CA5A: variants seen among roughly 807,000 people sequenced by gnomAD.
CA5A encodes carbonic anhydrase 5A, also known as carbonic anhydrase 5A, mitochondrial.
A neutral mutation model predicts 37.1 loss-of-function variants in CA5A; 28 were observed. That is an observed-to-expected ratio of 0.75 (90% CI 0.56 to 1.03). The LOEUF is 1.03. Among genes scored for constraint, CA5A ranks in the 50% least tolerant of loss-of-function variants. The pLI, the probability that CA5A is intolerant of heterozygous loss-of-function variation, is 0.00. For synonymous variants in CA5A, 171 were observed against 158.4 expected, an observed-to-expected ratio of 1.08 and a Z score of -0.60; for missense variants, 444 against 399.9, an observed-to-expected ratio of 1.11 and a Z score of -0.94.
At chr16:87,899,851 C>T (rs1252409787) in intron 5 of CA5A, among the ~76,000 whole-genome samples, 7 of 127,942 alleles carry the variant, frequency 5.5e-5, no homozygotes, top group East Asian at 2.7e-4. Flanking sequence ...ACCTGGAAGG[C>T]GGAGGTTGCA....
At chr16:87,884,920 T>C (rs1338740304), downstream of CA5A, 1 of 152,326 alleles carries the variant, frequency 6.6e-6, no homozygotes, top group African/African-American at 2.4e-5. Context: ...TCTCAGCAGT[T>C]TGGGAGGACG....
At chr16:87,925,672 C>T (rs1393419011) in intron 2 of CA5A, 2 of 152,218 alleles carry the variant, frequency 1.3e-5, no homozygotes. Flanking sequence ...CCTTCCCATA[C>T]CTCAGAGCAT....
chr16:87,924,269 T>C (rs2056271210), intron 2 of CA5A: 1 of 985,150 alleles, frequency 1.0e-6, no homozygotes, highest in South Asian at 4.7e-5. Flanking sequence ...TCCGCGGGGG[T>C]TGCAGTGGAG....
chr16:87,932,709 C>T (rs1196233157), intron 1 of CA5A, among the ~76,000 whole-genome samples: 2 of 151,922 alleles, frequency 1.3e-5, no homozygotes, highest in African/African-American at 4.8e-5. Context: ...AGTCCCCTGC[C>T]CCAGGAGGCC....
At chr16:87,930,081 T>C (rs1000066563) in intron 1 of CA5A, among the ~76,000 whole-genome samples, 1 of 152,134 alleles carries the variant, frequency 6.6e-6, no homozygotes, top group Non-Finnish European at 1.5e-5. Context: ...ATTTTCTCTC[T>C]TGGTTTTTCT....
chr16:87,936,303 A>T lies in CA5A; in HGVS notation c.142+6T>A. 6.2e-7 allele frequency: 1 copy of T among 1,607,708 alleles called. No homozygotes were observed. Among genetic ancestry groups the T allele is most frequent in the Non-Finnish European group, 8.5e-7 (1 of 1,174,520 alleles). ...CGCATCTTAGGAAATTTGAGGCTCT[A>T]CTTACAAGTGTTATTGCTGGTTTGC... On this transcript the variant is annotated splice_donor_region_variant and intron_variant, in intron 1 of 6. Coordinates refer to ENST00000649794, the MANE Select transcript of CA5A (RefSeq NM_001739.2).
rs142182110 is a variant in CA5A, at chr16:87,902,466, C to T, written c.514G>A (p.Val172Met). Reference protein sequence around the residue: ...VKYQNYKEAVVGENGLAVIGV... With the variant: ...VKYQNYKEAVMGENGLAVIGV... Reference sequence around the variant, plus strand: ...ATCACAGCCAAACCATTCTCTCCCACGACAGCTTCCTTGTAATTTTGGTAT... The same window carrying T: ...ATCACAGCCAAACCATTCTCTCCCATGACAGCTTCCTTGTAATTTTGGTAT... The change falls in exon 4 of 7, where the codon GTG becomes ATG. Residue 172 changes from valine (V) to methionine (M), a missense_variant. Physicochemically the swap from Val to Met is conservative, Grantham distance 21 (BLOSUM62 1). Transcript: ENST00000649794. 19 of 1,612,470 alleles carry T rather than the reference C, an allele frequency of 1.2e-5. No homozygotes were observed. The highest frequency in any genetic ancestry group is 4.0e-5 in the African/African-American group (3 of 74,898).
At chr16:87,884,200 G>A (rs1442373138), downstream of CA5A, 10 of 142,630 alleles carry the variant, frequency 7.0e-5, no homozygotes, top group Non-Finnish European at 1.4e-4. Flanking sequence ...CAGATCACCT[G>A]AGGTCAGGAG....
intron 6 of CA5A, among the ~76,000 whole-genome samples, chr16:87,889,511 C>A (rs1468444750): frequency 6.6e-6 from 1 of 152,048 alleles, no homozygotes; most frequent in South Asian, 2.1e-4. Context: ...TGGTGCCTCA[C>A]GCCTGTAATC....
At position 87,891,790 on chromosome 16, in the gene CA5A, A is replaced by G; in HGVS notation, c.774+9T>C. ...AAGCGCCATCGTGCCAGTTACGGGC[A>G]CGGCTCACCTGGCTTGGGGCCACTT... On this transcript the variant is annotated intron_variant, in intron 6 of 6. Transcript: ENST00000649794. The G allele has an allele frequency of 6.7e-7, 1 of 1,495,404 alleles. No homozygotes were observed. Among genetic ancestry groups the G allele is most frequent in the Non-Finnish European group, 8.9e-7 (1 of 1,126,210 alleles). 92.6% of individuals were successfully genotyped at this position (1,495,404 alleles called of 1,614,324 possible). A position where few individuals can be genotyped will look rare whatever the true frequency, so the allele number is the denominator to read the frequency against.
At position 87,926,883 on chromosome 16, in the gene CA5A, T is replaced by A. The variant is rs2056320267; in HGVS notation, c.205A>T (p.Ile69Phe). The A allele has an allele frequency of 1.2e-6, 2 of 1,611,558 alleles. No homozygotes were observed. Among genetic ancestry groups the A allele is most frequent in the South Asian group, 2.2e-5 (2 of 90,668 alleles). ...TCATAGACGCTGTCCCTCCACTGGA[T>A]GTTAATAGGAGACTGCCGGGTGCCC... ...PGGTRQSPIN[I>F]QWRDSVYDPQ... The change falls in exon 2 of 7, where the codon ATC (isoleucine) becomes TTC (phenylalanine). Residue 69 changes from isoleucine (I) to phenylalanine (F), a missense_variant. Physicochemically the swap from Ile to Phe is conservative, Grantham distance 21. Transcript: ENST00000649794.
At chr16:87,915,998 A>G (rs2056135773) in intron 2 of CA5A, among the ~76,000 whole-genome samples, 2 of 151,920 alleles carry the variant, frequency 1.3e-5, no homozygotes. Flanking sequence ...CAGAAGGCGA[A>G]AGGCAGGTCT....
chr16:87,893,671 C>G lies in CA5A; in HGVS notation c.619-1717G>C, dbSNP rs1010506354. 5.2e-6 allele frequency: 3 copies of G among 574,698 alleles called. No individual in the cohort carries two copies. The African/African-American group carries it at 5.7e-5, about 11-fold the overall frequency. The allele number at this position is 574,698 out of a possible 1,614,324, so 35.6% of individuals were successfully genotyped here. On this transcript the variant is annotated intron_variant, in intron 5 of 6. Transcript: ENST00000649794. ...GCCGACAAGATAGCCGAGGCTCGGG[C>G]TGGGTCAGCAACCGAATTCCAGTTT...
At chr16:87,898,766 G>A (rs954253104) in intron 5 of CA5A, among the ~76,000 whole-genome samples, 2 of 133,854 alleles carry the variant, frequency 1.5e-5, no homozygotes, top group Admixed American at 8.8e-5. Flanking sequence ...ACGGATTCTC[G>A]AGCTGTCACC....
chr16:87,891,692 A>T, intron 6 of CA5A, 107 bp downstream of exon 6: 1 of 1,017,746 alleles, frequency 9.8e-7, no homozygotes, highest in Middle Eastern at 3.3e-4. Flanking sequence ...TGCATGAAAG[A>T]ATATATATAA....
At chr16:87,918,949 A>G (rs1326935634) in intron 2 of CA5A, among the ~76,000 whole-genome samples, 7 of 151,450 alleles carry the variant, frequency 4.6e-5, no homozygotes, top group Admixed American at 2.0e-4. Context: ...AGAAATAAAA[A>G]GGAAACTGGG....
At chr16:87,895,213 G>A (rs144647989) in intron 5 of CA5A, among the ~76,000 whole-genome samples, 179 of 152,176 alleles carry the variant, frequency 1.2e-3, no homozygotes, top group African/African-American at 4.1e-3. Flanking sequence ...TCATACCACT[G>A]CACTCTAGCC....
chr16:87,930,800 A>C (rs2056392016), intron 1 of CA5A, among the ~76,000 whole-genome samples: 1 of 146,616 alleles, frequency 6.8e-6, no homozygotes, highest in East Asian at 2.1e-4. Context: ...GAGTGCAGTG[A>C]CGCGATCTCA....
Position 87,890,364 on chromosome 16 carries a change from C to T in CA5A, c.774+1435G>A, listed in dbSNP as rs374486414. 4.6e-5 allele frequency among the ~76,000 whole-genome samples: 7 copies of T among 152,302 alleles called. No homozygotes were observed. The East Asian group carries it at 1.4e-3, about 29-fold the overall frequency. ...ACAAGGGGCCACCTTCAACAAAAGC[C>T]TTCCCCGTTTGTATATAAGGGAATA... On this transcript the variant is annotated intron_variant, in intron 6 of 6. Transcript: ENST00000649794.
Sources: gnomAD v4.1 joint callset for allele counts (sites outside exome capture counted in the v4.1 genomes callset) on GRCh38, gnomAD v4.1.1 for gene constraint, MANE v1.5 for transcripts, NCBI Gene and HGNC (gene_info 2026-07-23, HGNC 2026-07-21) for gene names.